TRPM3: variants seen among roughly 807,000 people sequenced by gnomAD.
TRPM3 encodes transient receptor potential cation channel subfamily M member 3, also known as long transient receptor potential channel 3.
Under a neutral mutation model 181.2 loss-of-function variants are expected in TRPM3, and 77 were observed. The observed-to-expected ratio is 0.42, with a 90% confidence interval of 0.35 to 0.51. TRPM3 has a LOEUF of 0.51. Among genes scored for constraint, TRPM3 ranks in the 20% least tolerant of loss-of-function variants. TRPM3 has a pLI of 0.01. For synonymous variants in TRPM3, 745 were observed against 796.4 expected (o/e 0.94, Z 1.09); for missense variants, 1,759 against 2,196.7 (o/e 0.80, Z 3.98).
intron 1 of TRPM3, chr9:70,917,117 A>G (rs1282263719): frequency 4.4e-6 from 7 of 1,604,498 alleles, no homozygotes; most frequent in Non-Finnish European, 4.3e-6. Context: ...ACACATTTCC[A>G]TAGGGGTTCG....
chr9:71,281,472 T>G (rs916959931), intron 1 of TRPM3, among the ~76,000 whole-genome samples: 5 of 152,188 alleles, frequency 3.3e-5, no homozygotes, highest in African/African-American at 4.8e-5. Context: ...AAGCATTTTG[T>G]TCATTGCTGT....
chr9:70,895,081 T>A (rs2096263734), intron 1 of TRPM3, among the ~76,000 whole-genome samples: 1 of 152,184 alleles, frequency 6.6e-6, no homozygotes, highest in Admixed American at 6.5e-5. Flanking sequence ...ATATTGTACA[T>A]GAAGGCACTT....
At chr9:70,752,031 TGTGTGTGTGTGTGTGTGTGCGCGCGCGC>T (rs1268576131) in intron 8 of TRPM3, among the ~76,000 whole-genome samples, 2 of 115,204 alleles carry the variant, frequency 1.7e-5, no homozygotes, top group East Asian at 5.6e-4. Context: ...TGTGTGTGTG[TGTGTGTGTGTGTGTGTGTGCGCGCGCGC>T]GCGCATACAC....
intron 1 of TRPM3, among the ~76,000 whole-genome samples, chr9:70,956,860 T>C (rs112703378): frequency 0.031 from 4,715 of 151,846 alleles, 264 homozygotes; most frequent in African/African-American, 0.11. Flanking sequence ...CACTCCAGCC[T>C]GGGCAACAGA....
At chr9:70,754,391 T>C (rs2076704079) in intron 8 of TRPM3, among the ~76,000 whole-genome samples, 1 of 152,140 alleles carries the variant, frequency 6.6e-6, no homozygotes, top group African/African-American at 2.4e-5. Context: ...CTGAAAACAA[T>C]GATAGAACTT....
chr9:71,350,520 C>T (rs1241384655), intron 1 of TRPM3, among the ~76,000 whole-genome samples: 1 of 152,180 alleles, frequency 6.6e-6, no homozygotes, highest in Non-Finnish European at 1.5e-5. Context: ...AAGGCTGTTC[C>T]TGTAGTCTTA....
chr9:71,255,461 C>T (rs905129242), intron 1 of TRPM3, among the ~76,000 whole-genome samples: 2 of 152,158 alleles, frequency 1.3e-5, no homozygotes, highest in Non-Finnish European at 2.9e-5. Flanking sequence ...ACTGCCTCGC[C>T]ATAATCAGTT....
At chr9:70,956,336 C>T (rs1408784274) in intron 1 of TRPM3, among the ~76,000 whole-genome samples, 20 of 112,628 alleles carry the variant, frequency 1.8e-4, no homozygotes, top group Non-Finnish European at 1.7e-5. Context: ...AAAGCACTGG[C>T]TTCTGTTAAT....
At chr9:71,091,237 T>C (rs888643964) in intron 1 of TRPM3, among the ~76,000 whole-genome samples, 3 of 152,158 alleles carry the variant, frequency 2.0e-5, no homozygotes, top group African/African-American at 7.2e-5. Flanking sequence ...TGTTAAAGGA[T>C]AAAGAAGATC....
chr9:71,038,876 C>G (rs1028904550), intron 1 of TRPM3, among the ~76,000 whole-genome samples: 1 of 152,034 alleles, frequency 6.6e-6, no homozygotes, highest in Non-Finnish European at 1.5e-5. Flanking sequence ...TGCTGATGTC[C>G]CACAGCAGAA....
At chr9:70,685,612 G>A (rs1252580656) in intron 8 of TRPM3, among the ~76,000 whole-genome samples, 4 of 152,074 alleles carry the variant, frequency 2.6e-5, no homozygotes, top group Non-Finnish European at 4.4e-5. Context: ...TCACTATGTT[G>A]CCCAGAGCGA....
At chr9:71,244,086 G>C (rs1038699401) in intron 1 of TRPM3, among the ~76,000 whole-genome samples, 72 of 152,286 alleles carry the variant, frequency 4.7e-4, no homozygotes, top group African/African-American at 1.7e-3. Context: ...AGTAAGGCAA[G>C]CTGTGGAAGG....
At chr9:70,568,856 G>C (rs2051368345) in intron 22 of TRPM3, among the ~76,000 whole-genome samples, 1 of 152,172 alleles carries the variant, frequency 6.6e-6, no homozygotes, top group African/African-American at 2.4e-5. Context: ...CTGTCAACTG[G>C]TGACATCCAT....
chr9:71,056,542 C>T (rs1347640094), intron 1 of TRPM3, among the ~76,000 whole-genome samples: 1 of 151,852 alleles, frequency 6.6e-6, no homozygotes, highest in South Asian at 2.1e-4. Context: ...AAGTCTTAAC[C>T]CTAGTACTGC....
intron 7 of TRPM3, among the ~76,000 whole-genome samples, chr9:70,777,791 A>T (rs1395576735): frequency 1.3e-5 from 2 of 152,280 alleles, no homozygotes; most frequent in African/African-American, 2.4e-5. Flanking sequence ...TACCTAAAAC[A>T]AGCATTCAAA....
intron 1 of TRPM3, among the ~76,000 whole-genome samples, chr9:70,880,632 A>T (rs1029281294): frequency 5.3e-5 from 8 of 152,018 alleles, no homozygotes; most frequent in African/African-American, 1.7e-4. Context: ...AAATTTGAGG[A>T]CAAAGTCCTG....
chr9:70,693,871 A>G (rs1438536733), intron 8 of TRPM3, among the ~76,000 whole-genome samples: 1 of 152,236 alleles, frequency 6.6e-6, no homozygotes, highest in Non-Finnish European at 1.5e-5. Context: ...TACAAAAAAT[A>G]GCAGTTCGGA....
At chr9:70,842,894 GA>G in intron 5 of TRPM3, 108 bp downstream of exon 5, 1 of 1,079,504 alleles carries the variant, frequency 9.3e-7, no homozygotes, top group Non-Finnish European at 1.3e-6. Context: ...TTAGTGAGTA[GA>G]GACCCAAAGA....
At chr9:70,754,435 T>C (rs1194336478) in intron 8 of TRPM3, among the ~76,000 whole-genome samples, 2 of 152,178 alleles carry the variant, frequency 1.3e-5, no homozygotes, top group African/African-American at 4.8e-5. Context: ...GGACCTATCT[T>C]TTTTAAAGGG....
Sources: allele counts gnomAD v4.1 joint callset (sites outside exome capture counted in the v4.1 genomes callset), GRCh38; gene constraint gnomAD v4.1.1; transcripts MANE v1.5; gene names NCBI Gene and HGNC (gene_info 2026-07-23, HGNC 2026-07-21).